Variants in CCDC17 observed in about 807,000 individuals in gnomAD.
CCDC17 encodes the protein coiled-coil domain-containing protein 17.
In CCDC17, 79 loss-of-function variants were observed where a neutral mutation model predicts 68.0. The ratio of observed to expected loss-of-function variants is 1.16; its 90% CI spans 0.97 to 1.40. The LOEUF is 1.40. Ranked by LOEUF, CCDC17 falls within the 40% of genes most tolerant of loss-of-function variation. The probability of loss-of-function intolerance (pLI) is 0.00; values close to 1 mark genes in which losing one functional copy is unlikely to be tolerated. For synonymous variants in CCDC17, 376 were observed against 337.5 expected (o/e 1.11, Z -1.25); for missense variants, 846 against 811.5 (o/e 1.04, Z -0.52).
chr1:45,623,123 G>A lies in CCDC17; in HGVS notation c.494-6C>T, dbSNP rs1644334467. 6.4e-7 allele frequency: 1 copy of A among 1,552,880 alleles called. No individual in the cohort carries two copies. Among genetic ancestry groups the A allele is most frequent in the Non-Finnish European group, 8.7e-7 (1 of 1,147,688 alleles). On this transcript the variant is annotated splice_region_variant and splice_polypyrimidine_tract_variant and intron_variant, in intron 3 of 12. Transcript: ENST00000528266. ...TTGGAGGCGTCGGCTCAGTTCTGAGGGAATGCGGGCCGAGTCAGAACCGGC... is the reference window on the plus strand; with the variant it reads ...TTGGAGGCGTCGGCTCAGTTCTGAGAGAATGCGGGCCGAGTCAGAACCGGC...
At position 45,622,914 on chromosome 1, in the gene CCDC17, C is replaced by T. The variant is rs527245121; in HGVS notation, c.656+41G>A. On this transcript the variant is annotated intron_variant, in intron 4 of 12. Coordinates refer to ENST00000528266, the MANE Select transcript of CCDC17 (RefSeq NM_001114938.3). ...TGCAGCCAGCCCGCCCCTCCCACCCCGGAGCCGCATGTTCCGGGGATCCGC... is the reference window on the plus strand; with the variant it reads ...TGCAGCCAGCCCGCCCCTCCCACCCTGGAGCCGCATGTTCCGGGGATCCGC... 11 of 1,580,498 alleles carry T rather than the reference C, an allele frequency of 7.0e-6. No homozygotes were observed. In the Admixed American group the frequency reaches 7.1e-5, roughly 10 times the overall value.
chr1:45,621,834 C>G (rs979335274), intron 8 of CCDC17, 43 bp downstream of exon 8: 16 of 1,592,742 alleles, frequency 1.0e-5, no homozygotes, highest in Non-Finnish European at 1.4e-5. Flanking sequence ...TCCCCCAACC[C>G]ACCCCGTGTC....
chr1:45,621,171 T>G, intron 10 of CCDC17, 58 bp from the exon 11 acceptor site: 1 of 1,581,226 alleles, frequency 6.3e-7, no homozygotes, highest in Non-Finnish European at 8.6e-7. Context: ...TTTCTAGGAC[T>G]TAGCCCTTTA....
In CCDC17 at chr1:45,620,336, T is replaced by C. The variant is rs1048763132; in HGVS notation, c.1808A>G (p.Lys603Arg). Residue 603 changes from lysine to arginine, a missense_variant, in exon 13 of 13, where the codon AAG (lysine) becomes AGG (arginine). Lys to Arg is a conservative substitution (Grantham distance 26). Transcript: ENST00000528266. The stretch of plus-strand genomic sequence containing the variant: ...AGGGCCCAAACCCTCATCTCTATCC[T>C]TGACTCCACTGAGGGGCTCTTCTGT... ...PRTEEPLSGV[K>R]DRDEGLGPHH... is the part of the protein sequence containing the mutation. 4 of 1,609,092 alleles carry C rather than the reference T, an allele frequency of 2.5e-6. No individual in the cohort carries two copies. Among genetic ancestry groups the C allele is most frequent in the African/African-American group, 2.7e-5 (2 of 74,784 alleles).
At position 45,622,331 on chromosome 1, in the gene CCDC17, A is replaced by G. The variant is rs762433136; in HGVS notation, c.877T>C (p.Ser293Pro). Residue 293 changes from serine (S) to proline (P), a missense_variant, in exon 7 of 13, where the codon TCA becomes CCA. By Grantham distance (74) the Ser-to-Pro change is moderately conservative (BLOSUM62 -1). Coordinates refer to ENST00000528266, the MANE Select transcript of CCDC17 (RefSeq NM_001114938.3). Reference sequence around the variant, plus strand: ...GCCTCCACTACTGGAAGCTCCCCTGAGGTGGCACCTGCCCTTCCTGCGATG... The same window carrying G: ...GCCTCCACTACTGGAAGCTCCCCTGGGGTGGCACCTGCCCTTCCTGCGATG... ...QTRRGRAGAT[S>P]GELPVVEAEN... 1.0e-5 allele frequency: 16 copies of G among 1,607,616 alleles called. No individual in the cohort carries two copies. Among genetic ancestry groups the G allele is most frequent in the Non-Finnish European group, 1.4e-5 (16 of 1,178,110 alleles).
intron 8 of CCDC17, 23 bp from the exon 9 acceptor site, chr1:45,621,758 C>T (rs779540649): frequency 1.5e-5 from 24 of 1,611,842 alleles, no homozygotes; most frequent in South Asian, 1.4e-4. Context: ...GAGCTGACTC[C>T]TCCAGAAAGC....
intron 2 of CCDC17, 23 bp downstream of exon 2, chr1:45,623,534 T>C: frequency 6.5e-7 from 1 of 1,548,392 alleles, no homozygotes; most frequent in African/African-American, 1.4e-5. Context: ...TTTTGAGCCC[T>C]GGGGGAAGGT....
At chr1:45,622,162 TC>T in intron 7 of CCDC17, 78 bp downstream of exon 7, 3 of 1,390,702 alleles carry the variant, frequency 2.2e-6, no homozygotes, top group Non-Finnish European at 3.0e-6. Context: ...CGGGTCTTGT[TC>T]CCCATGCACT....
rs368080626 is a variant in CCDC17 at position 45,620,118 on chromosome 1, G to A, written c.*157C>T. On this transcript the variant is annotated 3_prime_UTR_variant, in exon 13 of 13. Transcript: ENST00000528266. Reference sequence around the variant, plus strand: ...GGTACAGAAAAGTTAAGGACTTAACGGGAGGTGGTAAAGCTGTGGTTGGAA... The same window carrying A: ...GGTACAGAAAAGTTAAGGACTTAACAGGAGGTGGTAAAGCTGTGGTTGGAA... 5 of 673,460 alleles carry A rather than the reference G, an allele frequency of 7.4e-6. No homozygotes were observed. Among genetic ancestry groups the A allele is most frequent in the East Asian group, 6.4e-5 (2 of 31,422 alleles). The allele number at this position is 673,460 out of a possible 1,614,324, so 41.7% of individuals were successfully genotyped here.
rs781307741 is a variant in CCDC17, at chr1:45,621,371, G to A, written c.1298C>T (p.Ala433Val). Residue 433 changes from alanine (A) to valine (V), a missense_variant, in exon 10 of 13, where the codon GCG becomes GTG. Ala to Val is a moderately conservative substitution (Grantham distance 64, BLOSUM62 0). Coordinates refer to ENST00000528266, the MANE Select transcript of CCDC17 (RefSeq NM_001114938.3). ...GGGCAGGCAAAGGGCTGGGGGCAAC[G>A]CTGTGGTCCTTCCTGTATCCCGTCC... ...RDGRDTGRTTALPPALCLPPP... is the reference protein window; with the variant it reads ...RDGRDTGRTTVLPPALCLPPP... 1.9e-5 allele frequency: 31 copies of A among 1,591,572 alleles called. No individual in the cohort carries two copies. The highest frequency in any genetic ancestry group is 2.7e-5 in the African/African-American group (2 of 74,490).
rs552436947 is a variant in CCDC17, at chr1:45,621,400, G to A, written c.1269C>T (p.Arg423=). The part of the protein sequence containing the change: ...IWVQLRTGLA[R]DGRDTGRTTA... The stretch of plus-strand genomic sequence containing the variant: ...TGGTCCTTCCTGTATCCCGTCCATC[G>A]CGTGCCAAGCCAGTCCTTAGTTGCA... The change falls in exon 10 of 13, where the codon CGC becomes CGT. Residue 423 remains arginine (R), a synonymous_variant. Transcript: ENST00000528266. 244 of 1,595,346 alleles carry A rather than the reference G, an allele frequency of 1.5e-4. 2 individuals carry two copies. In the East Asian group the frequency reaches 1.8e-3, roughly 12 times the overall value.
At chr1:45,622,722 CT>C in intron 5 of CCDC17, 28 bp downstream of exon 5, 1 of 1,565,730 alleles carries the variant, frequency 6.4e-7, no homozygotes, top group Non-Finnish European at 8.7e-7. Context: ...GCGCTTCGCC[CT>C]ATGCCCATCT....
Position 45,621,489 on chromosome 1 carries a change from G to A in CCDC17, c.1185-5C>T, listed in dbSNP as rs777746007. 1.9e-6 allele frequency: 3 copies of A among 1,581,034 alleles called. No individual in the cohort carries two copies. Among genetic ancestry groups the A allele is most frequent in the South Asian group, 1.2e-5 (1 of 86,468 alleles). Reference sequence around the variant, plus strand: ...TAGAAAATGACCAGGCCAGCCCTGGGGAACACAAGTCTTAGCACAGAAATA... The same window carrying A: ...TAGAAAATGACCAGGCCAGCCCTGGAGAACACAAGTCTTAGCACAGAAATA... On this transcript the variant is annotated splice_polypyrimidine_tract_variant and splice_region_variant and intron_variant, in intron 9 of 12. Coordinates refer to ENST00000528266, the MANE Select transcript of CCDC17 (RefSeq NM_001114938.3).
At chr1:45,622,492 C>T (rs1644302847) in intron 6 of CCDC17, 57 bp downstream of exon 6, 3 of 1,515,722 alleles carry the variant, frequency 2.0e-6, no homozygotes, top group Non-Finnish European at 1.8e-6. Flanking sequence ...GGCCCTCCCT[C>T]GAGTTCTTTT....
intron 6 of CCDC17, 28 bp from the exon 7 acceptor site, chr1:45,622,376 C>G: frequency 6.3e-7 from 1 of 1,587,552 alleles, no homozygotes; most frequent in Non-Finnish European, 8.6e-7. Flanking sequence ...GACCTGTCAC[C>G]TTTGACCTCT....
At chr1:45,622,878 G>A (rs746479170) in intron 4 of CCDC17, 44 bp from the exon 5 acceptor site, 59 of 1,573,942 alleles carry the variant, frequency 3.7e-5, no homozygotes, top group South Asian at 1.0e-4. Context: ...ACGCATCAGA[G>A]GCCCCGGGGC....
chr1:45,622,276 A>C lies in CCDC17; in HGVS notation c.932T>G (p.Leu311Trp). Residue 311 changes from leucine to tryptophan, a missense_variant, in exon 7 of 13, where the codon TTG (leucine) becomes TGG (tryptophan). Physicochemically the swap from Leu to Trp is moderately conservative, Grantham distance 61. Coordinates refer to ENST00000528266, the MANE Select transcript of CCDC17 (RefSeq NM_001114938.3). ...AENRRLEAEILALQMQRGRAP... is the reference protein window; with the variant it reads ...AENRRLEAEIWALQMQRGRAP... ...CCGACCCCTCTGCATTTGCAAGGCC[A>C]AGATTTCTGCCTCCAAGCGCCGGTT... 1 of 1,613,156 alleles carries C rather than the reference A, an allele frequency of 6.2e-7. No homozygotes were observed. Among genetic ancestry groups the C allele is most frequent in the Non-Finnish European group, 8.5e-7 (1 of 1,179,562 alleles).
At chr1:45,622,928 CCGG>C in intron 4 of CCDC17, 24 bp downstream of exon 4, 1 of 1,500,514 alleles carries the variant, frequency 6.7e-7, no homozygotes, top group African/African-American at 1.4e-5. Flanking sequence ...GCCGCATGTT[CCGG>C]GGATCCGCTT....
chr1:45,623,737 G>A lies in CCDC17; in HGVS notation c.173C>T (p.Ala58Val), dbSNP rs1435313051. Residue 58 changes from alanine (A) to valine (V), a missense_variant and splice_region_variant, in exon 1 of 13, where the codon GCG becomes GTG. Ala to Val is a moderately conservative substitution (Grantham distance 64). Transcript: ENST00000528266. ...ACCCATGGCCATGGAGGCCCTTACC[G>A]CGGCCCGCTGGGGTTCAGTGGCAAC... is the stretch of plus-strand genomic sequence containing the variant. ...ASVATEPQRAAVVPQEHQGVP... is the reference protein window; with the variant it reads ...ASVATEPQRAVVVPQEHQGVP... 1.3e-6 allele frequency: 2 copies of A among 1,550,808 alleles called. No homozygotes were observed. The highest frequency in any genetic ancestry group is 1.7e-6 in the Non-Finnish European group (2 of 1,146,576).
Sources: allele counts gnomAD v4.1 joint callset, GRCh38; gene constraint gnomAD v4.1.1; transcripts MANE v1.5; gene names NCBI Gene and HGNC (gene_info 2026-07-23, HGNC 2026-07-21).